PDE3B: variants seen among roughly 807,000 people sequenced by gnomAD.
PDE3B encodes the protein phosphodiesterase 3B.
Under a neutral mutation model 116.8 loss-of-function variants are expected in PDE3B, and 66 were observed. The ratio of observed to expected loss-of-function variants is 0.56; its 90% CI spans 0.46 to 0.69. The LOEUF is 0.69. Among genes scored for constraint, PDE3B ranks in the 30% least tolerant of loss-of-function variants. PDE3B has a pLI of 0.00. For synonymous variants in PDE3B, 595 were observed against 533.6 expected (o/e 1.12, Z -1.59); for missense variants, 1,384 against 1,368.1 (o/e 1.01, Z -0.18).
At chr11:14,734,310 C>T (rs557187226) in intron 1 of PDE3B, among the ~76,000 whole-genome samples, 8 of 152,286 alleles carry the variant, frequency 5.3e-5, no homozygotes, top group African/African-American at 1.7e-4. Flanking sequence ...TGGGCTCAAG[C>T]GCCTCCAGCC....
At chr11:14,889,208 AC>A in the PDE3B span, among the ~76,000 whole-genome samples, 1 of 151,518 alleles carries the variant, frequency 6.6e-6, no homozygotes, top group Non-Finnish European at 1.5e-5. Flanking sequence ...AATTTAAAAG[AC>A]AGTGGAAAAC....
rs377741587 is a variant in PDE3B, at chr11:14,753,573, C to G, written c.979-18364C>G. On this transcript the variant is annotated intron_variant, in intron 1 of 15. Coordinates refer to ENST00000282096, the MANE Select transcript of PDE3B (RefSeq NM_000922.4). ...TTGATTTCCTTAGGTAAATATTAGG[C>G]TAAACATCCAGTGCTGTATCTTCAG... Among the ~76,000 whole-genome samples the G allele has an allele frequency of 1.8e-4, 27 of 152,140 alleles. No individual in the cohort carries two copies. In the East Asian group the frequency reaches 4.8e-3, roughly 27 times the overall value.
chr11:14,661,308 G>A (rs958435669), intron 1 of PDE3B, among the ~76,000 whole-genome samples: 8 of 152,164 alleles, frequency 5.3e-5, no homozygotes, highest in Non-Finnish European at 1.0e-4. Context: ...AGAAAATGTG[G>A]CGGTTAAGAG....
chr11:14,668,759 C>G (rs1289521746), intron 1 of PDE3B, among the ~76,000 whole-genome samples: 2 of 152,096 alleles, frequency 1.3e-5, no homozygotes, highest in Non-Finnish European at 2.9e-5. Flanking sequence ...TTCCAGAAAC[C>G]AGCTTATTCG....
chr11:14,857,505 A>G (rs1847872782), intron 12 of PDE3B, among the ~76,000 whole-genome samples: 1 of 152,078 alleles, frequency 6.6e-6, no homozygotes, highest in Non-Finnish European at 1.5e-5. Flanking sequence ...AACCCCTTCC[A>G]CTTACTCTTC....
At chr11:14,822,220 A>T (rs1388579938) in intron 7 of PDE3B, among the ~76,000 whole-genome samples, 1 of 152,162 alleles carries the variant, frequency 6.6e-6, no homozygotes, top group Non-Finnish European at 1.5e-5. Context: ...CTTTTTACAA[A>T]AAAACAAACA....
chr11:14,644,809 G>T lies in PDE3B; in HGVS notation c.734G>T (p.Arg245Met). 1 of 1,611,674 alleles carries T rather than the reference G, an allele frequency of 6.2e-7. No homozygotes were observed. Among genetic ancestry groups the T allele is most frequent in the Non-Finnish European group, 8.5e-7 (1 of 1,178,758 alleles). The change falls in exon 1 of 16, where the codon AGG (arginine) becomes ATG (methionine). Residue 245 changes from arginine (R) to methionine (M), a missense_variant. This residue lies in a region of PDE3B where 956 missense variants were observed against 806.8 expected (regional missense o/e 1.18). Coordinates refer to ENST00000282096, the MANE Select transcript of PDE3B (RefSeq NM_000922.4). ...TSLGSLPSAL[R>M]PLLSGLVGGA... ...CTCGGGTCGCTGCCCTCCGCCCTCA[G>T]GCCGCTGCTCTCCGGCCTGGTGGGG... is the stretch of plus-strand genomic sequence containing the variant.
the PDE3B span, chr11:14,878,438 A>C: frequency 1.8e-5 from 15 of 838,916 alleles, no homozygotes; most frequent in Admixed American, 1.7e-4. Context: ...GATTTTCTTA[A>C]ATCTCAAAGA....
the PDE3B span, among the ~76,000 whole-genome samples, chr11:14,898,389 C>T: frequency 6.6e-6 from 1 of 152,116 alleles, no homozygotes; most frequent in Admixed American, 6.5e-5. Flanking sequence ...TTCTGCTGTC[C>T]AGGGGATGGG....
At chr11:14,731,615 C>G (rs1856461630) in intron 1 of PDE3B, among the ~76,000 whole-genome samples, 2 of 151,990 alleles carry the variant, frequency 1.3e-5, no homozygotes, top group South Asian at 4.1e-4. Context: ...GTCATTTTTA[C>G]AGATGTGGGA....
At chr11:14,831,488 A>G (rs1859880498) in intron 8 of PDE3B, 152 bp from the exon 9 acceptor site, 1 of 378,314 alleles carries the variant, frequency 2.6e-6, no homozygotes. Context: ...AAGAGAAATT[A>G]GAAGGGCAGA....
chr11:14,699,121 C>T (rs1855293242), intron 1 of PDE3B: 1 of 151,864 alleles, frequency 6.6e-6, no homozygotes, highest in Admixed American at 6.6e-5. Context: ...CTATCCATTC[C>T]AAAACTGAAC....
At chr11:14,804,094 G>T (rs1295742485) in intron 5 of PDE3B, 44 bp downstream of exon 5, 1 of 984,678 alleles carries the variant, frequency 1.0e-6, no homozygotes, top group African/African-American at 1.6e-5. Context: ...GGTTCTCAAA[G>T]TATATGGTAG....
chr11:14,892,127 C>T, the PDE3B span: 3 of 1,611,588 alleles, frequency 1.9e-6, no homozygotes, highest in East Asian at 4.5e-5. Context: ...AGCTGGCGGA[C>T]CCCTAGCGCG....
intron 2 of PDE3B, among the ~76,000 whole-genome samples, chr11:14,784,258 G>A (rs1858126024): frequency 6.6e-6 from 1 of 152,152 alleles, no homozygotes; most frequent in Admixed American, 6.5e-5. Context: ...AAGGAAGAAA[G>A]AACAATGAAA....
At chr11:14,897,880 G>T in the PDE3B span, among the ~76,000 whole-genome samples, 2 of 152,140 alleles carry the variant, frequency 1.3e-5, no homozygotes, top group African/African-American at 4.8e-5. Context: ...AGCCCCTCCA[G>T]TTTATGCTTC....
At chr11:14,856,041 C>G (rs1555006129) in intron 12 of PDE3B, among the ~76,000 whole-genome samples, 1 of 152,228 alleles carries the variant, frequency 6.6e-6, no homozygotes, top group Non-Finnish European at 1.5e-5. Flanking sequence ...TTGTAATCCT[C>G]ACATGTCAAG....
chr11:14,802,273 C>T (rs1373177358), intron 4 of PDE3B, among the ~76,000 whole-genome samples: 2 of 152,164 alleles, frequency 1.3e-5, no homozygotes, highest in Non-Finnish European at 2.9e-5. Flanking sequence ...CCCAGGGCCC[C>T]GGTGGGGTAG....
At chr11:14,789,588 A>G (rs1011241874) in intron 4 of PDE3B, among the ~76,000 whole-genome samples, 2 of 152,056 alleles carry the variant, frequency 1.3e-5, no homozygotes, top group Non-Finnish European at 2.9e-5. Flanking sequence ...AATGAATAGT[A>G]TCCAAAGGTA....
Sources: allele counts gnomAD v4.1 joint callset (sites outside exome capture counted in the v4.1 genomes callset), GRCh38; gene constraint gnomAD v4.1.1; regional missense constraint gnomAD v4.1.1; transcripts MANE v1.5; gene names NCBI Gene and HGNC (gene_info 2026-07-23, HGNC 2026-07-21).